CCBE1: variants seen among roughly 807,000 people sequenced by gnomAD.
The protein encoded by CCBE1 is collagen and calcium binding EGF domains 1, also known as collagen and calcium-binding EGF domain-containing protein 1.
In CCBE1, 37 loss-of-function variants were observed where a neutral mutation model predicts 50.0. The ratio of observed to expected loss-of-function variants is 0.74; its 90% CI spans 0.57 to 0.97. The LOEUF is 0.97. Ranked by LOEUF, CCBE1 falls within the 50% of genes least tolerant of loss-of-function variation. The pLI, the probability that CCBE1 is intolerant of heterozygous loss-of-function variation, is 0.00. For synonymous variants in CCBE1, 234 were observed against 203.7 expected (o/e 1.15, Z -1.27); for missense variants, 538 against 523.8 (o/e 1.03, Z -0.26).
chr18:59,448,236 C>T, intron 6 of CCBE1, 133 bp from the exon 7 acceptor site: 1 of 1,303,066 alleles, frequency 7.7e-7, no homozygotes. Flanking sequence ...CTAGTTAGAG[C>T]TCAGAGAAAC....
intron 2 of CCBE1, among the ~76,000 whole-genome samples, chr18:59,525,761 T>A (rs1914793335): frequency 6.6e-6 from 1 of 152,230 alleles, no homozygotes; most frequent in African/African-American, 2.4e-5. Flanking sequence ...CTTGAGTTAA[T>A]TTTTGTTTAA....
At chr18:59,675,292 C>T (rs895921277) in intron 2 of CCBE1, among the ~76,000 whole-genome samples, 8 of 152,184 alleles carry the variant, frequency 5.3e-5, no homozygotes, top group Admixed American at 2.6e-4. Flanking sequence ...GGAATTTCTG[C>T]ATTGTGTACC....
At chr18:59,599,166 G>A (rs1437748596) in intron 2 of CCBE1, among the ~76,000 whole-genome samples, 2 of 152,124 alleles carry the variant, frequency 1.3e-5, no homozygotes, top group South Asian at 2.1e-4. Context: ...TAGAAAGAAT[G>A]AGAGGAAGCA....
At chr18:59,521,156 C>A (rs773915557) in intron 2 of CCBE1, among the ~76,000 whole-genome samples, 1 of 152,194 alleles carries the variant, frequency 6.6e-6, no homozygotes, top group African/African-American at 2.4e-5. Flanking sequence ...ATTGCTTTAA[C>A]AGTCGAGATG....
At chr18:59,486,264 A>G (rs1051927728) in intron 2 of CCBE1, among the ~76,000 whole-genome samples, 1 of 152,248 alleles carries the variant, frequency 6.6e-6, no homozygotes, top group African/African-American at 2.4e-5. Context: ...TGTAAATACA[A>G]CAAGCAAATG....
At chr18:59,496,527 A>T (rs1222702879) in intron 2 of CCBE1, among the ~76,000 whole-genome samples, 1 of 152,250 alleles carries the variant, frequency 6.6e-6, no homozygotes, top group African/African-American at 2.4e-5. Context: ...GACAGACTCA[A>T]AACAGTGCCT....
intron 5 of CCBE1, among the ~76,000 whole-genome samples, chr18:59,463,840 T>C (rs1911611925): frequency 6.6e-6 from 1 of 152,164 alleles, no homozygotes; most frequent in Non-Finnish European, 1.5e-5. Flanking sequence ...TGTAGATAAA[T>C]CTGAGGCAAA....
At chr18:59,492,279 C>T (rs1913147350) in intron 2 of CCBE1, among the ~76,000 whole-genome samples, 1 of 151,742 alleles carries the variant, frequency 6.6e-6, no homozygotes, top group Non-Finnish European at 1.5e-5. Flanking sequence ...AAATTACCTA[C>T]AACAGCTGCG....
At chr18:59,528,064 G>T (rs1914899147) in intron 2 of CCBE1, among the ~76,000 whole-genome samples, 1 of 152,132 alleles carries the variant, frequency 6.6e-6, no homozygotes, top group African/African-American at 2.4e-5. Context: ...TGATATCCTG[G>T]AGTATGTTTT....
At position 59,439,769 on chromosome 18, in the gene CCBE1, G is replaced by T. The variant is rs756163195; in HGVS notation, c.823C>A (p.Pro275Thr). ...CCCCGTGGGCCGGGCTGCCCAGGAGGGCCTGGCATACCGGGGAAGCCTGGG... is the reference window on the plus strand; with the variant it reads ...CCCCGTGGGCCGGGCTGCCCAGGAGTGCCTGGCATACCGGGGAAGCCTGGG... ...GSPGFPGMPGPPGQPGPRGSM... is the reference protein window; with the variant it reads ...GSPGFPGMPGTPGQPGPRGSM... The change falls in exon 8 of 11, where the codon CCT (proline) becomes ACT (threonine). Residue 275 changes from proline to threonine, a missense_variant. Coordinates refer to ENST00000439986, the MANE Select transcript of CCBE1 (RefSeq NM_133459.4). 6.2e-7 allele frequency: 1 copy of T among 1,614,166 alleles called. No homozygotes were observed. Among genetic ancestry groups the T allele is most frequent in the South Asian group, 1.1e-5 (1 of 91,084 alleles).
chr18:59,471,265 C>A lies in CCBE1; in HGVS notation c.266-1658G>T, dbSNP rs188435750. Among the ~76,000 whole-genome samples the A allele has an allele frequency of 6.6e-5, 10 of 152,294 alleles. No homozygotes were observed. The East Asian group carries it at 1.7e-3, about 26-fold the overall frequency. On this transcript the variant is annotated intron_variant, in intron 3 of 10. Transcript: ENST00000439986. ...GGAACCGCTCTCAACTCTTCTGATT[C>A]TTTCTATACTCACTTCTGCATCTCT... is the stretch of plus-strand genomic sequence containing the variant.
intron 2 of CCBE1, among the ~76,000 whole-genome samples, chr18:59,503,472 C>T (rs774969544): frequency 1.3e-5 from 2 of 152,296 alleles, no homozygotes; most frequent in Middle Eastern, 3.4e-3. Flanking sequence ...ATCTGCCTTA[C>T]TCCAAGCCTG....
intron 2 of CCBE1, among the ~76,000 whole-genome samples, chr18:59,517,593 T>C (rs1056363627): frequency 6.6e-6 from 1 of 152,222 alleles, no homozygotes; most frequent in South Asian, 2.1e-4. Context: ...CGAAGTCATA[T>C]GGAAGCCACA....
At chr18:59,690,419 T>C (rs1416615531) in intron 2 of CCBE1, among the ~76,000 whole-genome samples, 1 of 152,168 alleles carries the variant, frequency 6.6e-6, no homozygotes, top group African/African-American at 2.4e-5. Flanking sequence ...CAACAATGCC[T>C]TAAATGCCAG....
Position 59,638,687 on chromosome 18 carries a change from GT to G in CCBE1, c.212+57941del, listed in dbSNP as rs1198912633. ...TAGAGAAACCCAAAACAATCCACAA[GT>G]TATCACAATCACAGGCTACCAAAAC... On this transcript the variant is annotated intron_variant, in intron 2 of 10. Coordinates refer to ENST00000439986, the MANE Select transcript of CCBE1 (RefSeq NM_133459.4). Among the ~76,000 whole-genome samples, 6 of 152,250 alleles carry G rather than the reference GT, an allele frequency of 3.9e-5. No individual in the cohort carries two copies. The East Asian group carries it at 1.2e-3, about 29-fold the overall frequency.
chr18:59,456,767 C>T (rs1911212557), intron 5 of CCBE1, among the ~76,000 whole-genome samples: 1 of 152,212 alleles, frequency 6.6e-6, no homozygotes, highest in African/African-American at 2.4e-5. Flanking sequence ...ACTGCCCAGT[C>T]CTCTTCCTGG....
chr18:59,640,841 A>G (rs990261566), intron 2 of CCBE1, among the ~76,000 whole-genome samples: 1 of 152,218 alleles, frequency 6.6e-6, no homozygotes, highest in African/African-American at 2.4e-5. Flanking sequence ...ATGAATGGAC[A>G]CTTTTCAAAA....
In CCBE1 at chr18:59,432,843, C is replaced by A. The variant is rs1214070243; in HGVS notation, c.*3065G>T. 2.0e-5 allele frequency: 3 copies of A among 152,080 alleles called. No individual in the cohort carries two copies. In the East Asian group the frequency reaches 5.8e-4, roughly 29 times the overall value. 9.4% of individuals were successfully genotyped at this position (152,080 alleles called of 1,614,324 possible). A position where few individuals can be genotyped will look rare whatever the true frequency, so the allele number is the denominator to read the frequency against. Reference sequence around the variant, plus strand: ...TTTATGAGCATTTCACAATAAAGATCATATTTCTAAATACAGTTCACTGTC... The same window carrying A: ...TTTATGAGCATTTCACAATAAAGATAATATTTCTAAATACAGTTCACTGTC... On this transcript the variant is annotated 3_prime_UTR_variant, in exon 11 of 11. Coordinates refer to ENST00000439986, the MANE Select transcript of CCBE1 (RefSeq NM_133459.4).
intron 6 of CCBE1, 152 bp downstream of exon 6, chr18:59,454,699 G>A (rs1911097874): frequency 1.3e-6 from 1 of 742,310 alleles, no homozygotes; most frequent in South Asian, 1.5e-5. Context: ...CTGAGGGTGG[G>A]CAAAACATCC....
Sources: allele counts gnomAD v4.1 joint callset (sites outside exome capture counted in the v4.1 genomes callset), GRCh38; gene constraint gnomAD v4.1.1; transcripts MANE v1.5; gene names NCBI Gene and HGNC (gene_info 2026-07-23, HGNC 2026-07-21).